The following CCDC50 variants were observed in gnomAD, a reference collection of about 807,000 sequenced individuals.
CCDC50 encodes the protein coiled-coil domain-containing protein 50.
CCDC50 carries 54 observed loss-of-function variants against 70.2 expected under a neutral mutation model. The observed-to-expected ratio is 0.77, with a 90% CI of 0.62 to 0.96. The LOEUF (loss-of-function observed/expected upper bound fraction) is 0.96, where lower values mean the gene tolerates loss of function less well. Among genes scored for constraint, CCDC50 ranks in the 50% least tolerant of loss-of-function variants. The pLI, the probability that CCDC50 is intolerant of heterozygous loss-of-function variation, is 0.00. For missense variants in CCDC50, 558 were observed against 578.7 expected (o/e 0.96, Z 0.37); for synonymous variants, 216 against 198.8 (o/e 1.09, Z -0.73).
intron 6 of CCDC50, among the ~76,000 whole-genome samples, chr3:191,377,826 A>G (rs989255097): frequency 1.2e-4 from 19 of 152,132 alleles, no homozygotes; most frequent in African/African-American, 4.3e-4. Flanking sequence ...ACAGAAAAAG[A>G]CAAGGAAATG....
intron 10 of CCDC50, among the ~76,000 whole-genome samples, chr3:191,389,267 T>C (rs1713601290): frequency 6.6e-6 from 1 of 152,200 alleles, no homozygotes; most frequent in Non-Finnish European, 1.5e-5. Flanking sequence ...ATGTATTAGT[T>C]GTTGAGGAGA....
At chr3:191,342,031 A>G (rs1056643511) in intron 1 of CCDC50, among the ~76,000 whole-genome samples, 1 of 152,228 alleles carries the variant, frequency 6.6e-6, no homozygotes, top group African/African-American at 2.4e-5. Context: ...GAATGTACCC[A>G]TGATCTCAAG....
At chr3:191,361,577 A>G (rs1166164294) in intron 4 of CCDC50, among the ~76,000 whole-genome samples, 2 of 152,114 alleles carry the variant, frequency 1.3e-5, no homozygotes, top group South Asian at 2.1e-4. Flanking sequence ...CTTGGCTTGT[A>G]TCTGCATCAC....
chr3:191,372,334 T>A (rs777903747), intron 5 of CCDC50, among the ~76,000 whole-genome samples: 34 of 152,332 alleles, frequency 2.2e-4, no homozygotes, highest in Non-Finnish European at 4.3e-4. Flanking sequence ...ATGTAAATAC[T>A]GAAATTTCTC....
chr3:191,354,689 C>T (rs695910), intron 1 of CCDC50, among the ~76,000 whole-genome samples: 51,964 of 151,786 alleles, frequency 0.34, 10,740 homozygotes, highest in East Asian at 0.67. Context: ...ATATATAATA[C>T]GGGAAAAGTT....
chr3:191,389,384 T>G, intron 10 of CCDC50, 112 bp from the exon 11 acceptor site: 1 of 866,430 alleles, frequency 1.2e-6, no homozygotes, highest in Non-Finnish European at 2.0e-6. Flanking sequence ...TTCTGAAGCA[T>G]TTTGGCTTTT....
chr3:191,385,750 C>T (rs565183632), intron 10 of CCDC50, among the ~76,000 whole-genome samples: 1 of 152,004 alleles, frequency 6.6e-6, no homozygotes, highest in African/African-American at 2.4e-5. Context: ...AATAGTCTTT[C>T]CTAGGTTTTC....
rs548935010 is a variant in CCDC50 at position 191,341,811 on chromosome 3, T to A, written c.49+12088T>A. Among the ~76,000 whole-genome samples the A allele has an allele frequency of 9.8e-5, 15 of 152,370 alleles. 1 individual carries two copies. The highest frequency in any genetic ancestry group is 3.4e-4 in the African/African-American group (14 of 41,590). ...CTTAAAATCTATGTGTAACTCCCTG[T>A]TACTTGTGTGGGAATTTTCTGGACG... On this transcript the variant is annotated intron_variant, in intron 1 of 11. Transcript: ENST00000392455.
At chr3:191,336,966 A>G (rs1711539184) in intron 1 of CCDC50, among the ~76,000 whole-genome samples, 1 of 152,232 alleles carries the variant, frequency 6.6e-6, no homozygotes, top group Admixed American at 6.5e-5. Flanking sequence ...ATGATTCAAA[A>G]AAAATAATGT....
intron 4 of CCDC50, among the ~76,000 whole-genome samples, chr3:191,366,621 A>G (rs1712698784): frequency 6.6e-6 from 1 of 152,092 alleles, no homozygotes; most frequent in Non-Finnish European, 1.5e-5. Flanking sequence ...TAAAATGTGA[A>G]CAGAAGCTTC....
intron 2 of CCDC50, among the ~76,000 whole-genome samples, chr3:191,357,406 A>G (rs1712328407): frequency 6.6e-6 from 1 of 152,176 alleles, no homozygotes; most frequent in South Asian, 2.1e-4. Context: ...CCTTTTTCCT[A>G]GCCTCTTGTT....
chr3:191,356,725 T>C (rs1264726788), intron 1 of CCDC50, among the ~76,000 whole-genome samples: 1 of 152,236 alleles, frequency 6.6e-6, no homozygotes, highest in Non-Finnish European at 1.5e-5. Context: ...AGTAGCAATA[T>C]GCAAAGCATG....
intron 1 of CCDC50, among the ~76,000 whole-genome samples, chr3:191,346,930 AG>A (rs1711948089): frequency 1.0e-5 from 1 of 98,328 alleles, no homozygotes; most frequent in Admixed American, 1.1e-4. Context: ...GAAATTTAGA[AG>A]TATTTGAGGA....
At chr3:191,354,359 T>A (rs1321282806) in intron 1 of CCDC50, among the ~76,000 whole-genome samples, 2 of 152,124 alleles carry the variant, frequency 1.3e-5, no homozygotes, top group African/African-American at 2.4e-5. Flanking sequence ...TTAAAAAAAT[T>A]TTTTTTAACC....
chr3:191,337,117 G>C (rs1002156242), intron 1 of CCDC50, among the ~76,000 whole-genome samples: 1 of 151,612 alleles, frequency 6.6e-6, no homozygotes, highest in Admixed American at 6.6e-5. Flanking sequence ...AGTTGTAGCA[G>C]AGACCACGTG....
intron 2 of CCDC50, 29 bp downstream of exon 2, chr3:191,357,179 T>C (rs765015156): frequency 6.3e-7 from 1 of 1,596,378 alleles, no homozygotes. Context: ...TTATGCTCCT[T>C]CAGTTTTCTT....
At chr3:191,347,464 G>T (rs1214521349) in intron 1 of CCDC50, among the ~76,000 whole-genome samples, 1 of 141,526 alleles carries the variant, frequency 7.1e-6, no homozygotes, top group African/African-American at 2.5e-5. Context: ...TAAGCACCCC[G>T]TTGCATTGTT....
chr3:191,383,446 C>G lies in CCDC50; in HGVS notation c.1322+621C>G, dbSNP rs570661071. ...TTTTTTTTTTAATTGCTTTTTGTTG[C>G]CTTTCGAAAGAAAACATGATTGGAA... is the stretch of plus-strand genomic sequence containing the variant. On this transcript the variant is annotated intron_variant, in intron 10 of 11. Coordinates refer to ENST00000392455, the MANE Select transcript of CCDC50 (RefSeq NM_178335.3). Among the ~76,000 whole-genome samples, 13 of 151,536 alleles carry G rather than the reference C, an allele frequency of 8.6e-5. No homozygotes were observed. The South Asian group carries it at 2.5e-3, about 29-fold the overall frequency.
intron 1 of CCDC50, among the ~76,000 whole-genome samples, chr3:191,329,944 G>GT (rs1466208528): frequency 3.4e-5 from 1 of 29,194 alleles, no homozygotes; most frequent in Non-Finnish European, 5.5e-5. Context: ...GGGGTGGTTG[G>GT]GGGGGGGGGG....
Sources: allele counts gnomAD v4.1 joint callset (sites outside exome capture counted in the v4.1 genomes callset), GRCh38; gene constraint gnomAD v4.1.1; transcripts MANE v1.5; gene names NCBI Gene and HGNC (gene_info 2026-07-23, HGNC 2026-07-21).